Variants in RTL10 observed in about 807,000 individuals in gnomAD.
RTL10 encodes the protein retrotransposon Gag like 10.
For missense variants in RTL10, 477 were observed against 470.7 expected, an observed-to-expected ratio of 1.01 and a Z score of -0.12; for synonymous variants, 199 against 188.4, an observed-to-expected ratio of 1.06 and a Z score of -0.46.
chr22:19,850,227 C>T lies in RTL10; in HGVS notation c.*940G>A, dbSNP rs1475807189. 1.4e-5 allele frequency: 14 copies of T among 985,602 alleles called. No homozygotes were observed. In the East Asian group the frequency reaches 4.5e-4, roughly 32 times the overall value. 61.1% of individuals were successfully genotyped at this position (985,602 alleles called of 1,614,324 possible). ...GACTTGCTGGTAGGCAGCCACTGCACCACCTCAGCCAGTAATCCAACACGT... is the reference window on the plus strand; with the variant it reads ...GACTTGCTGGTAGGCAGCCACTGCATCACCTCAGCCAGTAATCCAACACGT... On this transcript the variant is annotated 3_prime_UTR_variant, in exon 3 of 3. Transcript: ENST00000328554.
rs76612902 is a variant in RTL10, at chr22:19,850,492, C to T, written c.*675G>A. The T allele has an allele frequency of 3.9e-3, 3,975 of 1,030,580 alleles. 16 individuals are homozygous for T. Among genetic ancestry groups the T allele is most frequent in the Non-Finnish European group, 4.4e-3 (3,773 of 859,866 alleles). 63.8% of individuals were successfully genotyped at this position (1,030,580 alleles called of 1,614,324 possible). A position where few individuals can be genotyped will look rare whatever the true frequency, so the allele number is the denominator to read the frequency against. On this transcript the variant is annotated 3_prime_UTR_variant, in exon 3 of 3. Transcript: ENST00000328554. Reference sequence around the variant, plus strand: ...AGCTACAGTGTTAACACACAAAGGGCGAATGCCTGCAGCTGAGCCTGGCAA... The same window carrying T: ...AGCTACAGTGTTAACACACAAAGGGTGAATGCCTGCAGCTGAGCCTGGCAA...
Position 19,848,645 on chromosome 22 carries a change from T to C in RTL10, c.*2522A>G, listed in dbSNP as rs1441453603. On this transcript the variant is annotated 3_prime_UTR_variant, in exon 3 of 3. Coordinates refer to ENST00000328554, the MANE Select transcript of RTL10 (RefSeq NM_024627.6). ...GGACGCGTTTTAATTAAAAACCAGG[T>C]CACCTGGACTCTCCCAAGGACTCTC... The C allele has an allele frequency of 2.0e-6, 2 of 985,288 alleles. No homozygotes were observed. The highest frequency in any genetic ancestry group is 9.4e-5 in the South Asian group (2 of 21,294). The allele number at this position is 985,288 out of a possible 1,614,324, so 61.0% of individuals were successfully genotyped here. A position where few individuals can be genotyped will look rare whatever the true frequency, so the allele number is the denominator to read the frequency against.
Position 19,846,693 on chromosome 22 carries a change from G to T in RTL10, c.*4474C>A. On this transcript the variant is annotated 3_prime_UTR_variant, in exon 3 of 3. Coordinates refer to ENST00000328554, the MANE Select transcript of RTL10 (RefSeq NM_024627.6). ...GGGTTAAATGAGGTCATGAGGGTGG[G>T]CCCTGATCCAATAGACTAGTGAGCT... 2.3e-6 allele frequency: 1 copy of T among 430,552 alleles called. No homozygotes were observed. Among genetic ancestry groups the T allele is most frequent in the Non-Finnish European group, 3.1e-6 (1 of 322,678 alleles). 26.7% of individuals were successfully genotyped at this position (430,552 alleles called of 1,614,324 possible).
Position 19,848,698 on chromosome 22 carries a change from C to G in RTL10, c.*2469G>C. ...GCCTGCCTAGGTGGATGCTGCATGACTGGCCCTCAGACACACGGCAGACCA... is the reference window on the plus strand; with the variant it reads ...GCCTGCCTAGGTGGATGCTGCATGAGTGGCCCTCAGACACACGGCAGACCA... On this transcript the variant is annotated 3_prime_UTR_variant, in exon 3 of 3. Coordinates refer to ENST00000328554, the MANE Select transcript of RTL10 (RefSeq NM_024627.6). 1.0e-6 allele frequency: 1 copy of G among 985,522 alleles called. No homozygotes were observed. Among genetic ancestry groups the G allele is most frequent in the Non-Finnish European group, 1.2e-6 (1 of 829,998 alleles). 61.0% of individuals were successfully genotyped at this position (985,522 alleles called of 1,614,324 possible).
Position 19,851,993 on chromosome 22 carries a change from C to A in RTL10, c.269G>T (p.Arg90Leu). Reference protein sequence around the residue: ...GPLAGHMPSSRPHRVDFCWVP... With the variant: ...GPLAGHMPSSLPHRVDFCWVP... ...CCAGCAGAAGTCCACCCTGTGGGGT[C>A]GGGAGCTGGGCATGTGCCCAGCTAG... is the stretch of plus-strand genomic sequence containing the variant. Residue 90 changes from arginine to leucine, a missense_variant, in exon 3 of 3, where the codon CGA (arginine) becomes CTA (leucine). By Grantham distance (102) the Arg-to-Leu change is moderately radical. Transcript: ENST00000328554. 6.2e-7 allele frequency: 1 copy of A among 1,614,148 alleles called. No individual in the cohort carries two copies. The highest frequency in any genetic ancestry group is 2.2e-5 in the East Asian group (1 of 44,888).
intron 2 of RTL10, among the ~76,000 whole-genome samples, chr22:19,853,707 T>G (rs2145909246): frequency 6.6e-6 from 1 of 151,668 alleles, no homozygotes; most frequent in East Asian, 1.9e-4. Context: ...CCCTCAGGTC[T>G]GACCCCCCTC....
In RTL10 at chr22:19,852,336, C is replaced by G. The variant is rs1787958826; in HGVS notation, c.-75G>C. 3 of 1,483,918 alleles carry G rather than the reference C, an allele frequency of 2.0e-6. No individual in the cohort carries two copies. Among genetic ancestry groups the G allele is most frequent in the Non-Finnish European group, 1.8e-6 (2 of 1,090,480 alleles). 91.9% of individuals were successfully genotyped at this position (1,483,918 alleles called of 1,614,324 possible). On this transcript the variant is annotated 5_prime_UTR_variant, in exon 3 of 3. Transcript: ENST00000328554. ...GGGGTGTGGACAGATGTGGCTTGCA[C>G]GACACAACAGGACAGGGATGGCTGA...
Position 19,851,503 on chromosome 22 carries a change from A to G in RTL10, c.759T>C (p.Ala253=). ...VSGSNSVSRS[A]LFEQQLTKES... ...CCTTGGTCAGCTGCTGCTCGAACAG[A>G]GCACTTCTAGATACAGAGTTGGACC... The change falls in exon 3 of 3, where the codon GCT becomes GCC. Residue 253 remains alanine (A), a synonymous_variant. Transcript: ENST00000328554. 6.2e-7 allele frequency: 1 copy of G among 1,614,034 alleles called. No homozygotes were observed. Among genetic ancestry groups the G allele is most frequent in the Non-Finnish European group, 8.5e-7 (1 of 1,179,998 alleles).
Position 19,847,191 on chromosome 22 carries a change from T to TCGTCAGAC in RTL10, c.*3975_*3976insGTCTGACG. ...TGGAGAAATATGTCCAGGTAGGCTG[T>TCGTCAGAC]CGTCAGCACAGGTCTGACAGGCCCC... is the stretch of plus-strand genomic sequence containing the variant. On this transcript the variant is annotated 3_prime_UTR_variant, in exon 3 of 3. Coordinates refer to ENST00000328554, the MANE Select transcript of RTL10 (RefSeq NM_024627.6). The TCGTCAGAC allele has an allele frequency of 2.0e-6, 2 of 985,432 alleles. No homozygotes were observed. Among genetic ancestry groups the TCGTCAGAC allele is most frequent in the Non-Finnish European group, 2.4e-6 (2 of 829,936 alleles). The allele number at this position is 985,432 out of a possible 1,614,324, so 61.0% of individuals were successfully genotyped here.
chr22:19,849,713 A>G lies in RTL10; in HGVS notation c.*1454T>C. On this transcript the variant is annotated 3_prime_UTR_variant, in exon 3 of 3. Coordinates refer to ENST00000328554, the MANE Select transcript of RTL10 (RefSeq NM_024627.6). The stretch of plus-strand genomic sequence containing the variant: ...AGATGCTTGCTAATTAGTTTTTCCT[A>G]AAATAGTTGGCTGTATTTCCAATTC... 1.0e-6 allele frequency: 1 copy of G among 985,372 alleles called. No individual in the cohort carries two copies. The highest frequency in any genetic ancestry group is 4.7e-5 in the South Asian group (1 of 21,286). The allele number at this position is 985,372 out of a possible 1,614,324, so 61.0% of individuals were successfully genotyped here.
In RTL10 at chr22:19,848,997, T is replaced by G. The variant is rs1460141131; in HGVS notation, c.*2170A>C. ...GGCCACAGTGCACTGGAGGTAGGCATCAGGGAGCAGTCTGACCCAACCCAC... is the reference window on the plus strand; with the variant it reads ...GGCCACAGTGCACTGGAGGTAGGCAGCAGGGAGCAGTCTGACCCAACCCAC... On this transcript the variant is annotated 3_prime_UTR_variant, in exon 3 of 3. Coordinates refer to ENST00000328554, the MANE Select transcript of RTL10 (RefSeq NM_024627.6). 1 of 985,378 alleles carries G rather than the reference T, an allele frequency of 1.0e-6. No individual in the cohort carries two copies. Among genetic ancestry groups the G allele is most frequent in the Admixed American group, 6.1e-5 (1 of 16,264 alleles). The allele number at this position is 985,378 out of a possible 1,614,324, so 61.0% of individuals were successfully genotyped here. A position where few individuals can be genotyped will look rare whatever the true frequency, so the allele number is the denominator to read the frequency against.
At position 19,850,506 on chromosome 22, in the gene RTL10, T is replaced by C. The variant is rs920918669; in HGVS notation, c.*661A>G. On this transcript the variant is annotated 3_prime_UTR_variant, in exon 3 of 3. Coordinates refer to ENST00000328554, the MANE Select transcript of RTL10 (RefSeq NM_024627.6). ...CACACAAAGGGCGAATGCCTGCAGCTGAGCCTGGCAAGGGGCTTGCATCCC... is the reference window on the plus strand; with the variant it reads ...CACACAAAGGGCGAATGCCTGCAGCCGAGCCTGGCAAGGGGCTTGCATCCC... 2.9e-6 allele frequency: 3 copies of C among 1,051,770 alleles called. No homozygotes were observed. The highest frequency in any genetic ancestry group is 5.5e-5 in the Admixed American group (1 of 18,056). 65.2% of individuals were successfully genotyped at this position (1,051,770 alleles called of 1,614,324 possible).
chr22:19,852,058 A>T lies in RTL10; in HGVS notation c.204T>A (p.Ala68=). The T allele has an allele frequency of 6.2e-7, 1 of 1,614,228 alleles. No individual in the cohort carries two copies. Among genetic ancestry groups the T allele is most frequent in the Non-Finnish European group, 8.5e-7 (1 of 1,180,034 alleles). ...CAGGTTTACCGCCACAAGTGCCACT[A>T]GCTGTGCTCTTCTGCTCCATGGTCG... The part of the protein sequence containing the change: ...VRTTMEQKST[A]SGTCGGKPAE... The change falls in exon 3 of 3, where the codon GCT becomes GCA. Residue 68 remains alanine, a synonymous_variant. Coordinates refer to ENST00000328554, the MANE Select transcript of RTL10 (RefSeq NM_024627.6).
chr22:19,849,464 G>A lies in RTL10; in HGVS notation c.*1703C>T, dbSNP rs766972054. The A allele has an allele frequency of 3.2e-5, 10 of 316,618 alleles. No individual in the cohort carries two copies. Among genetic ancestry groups the A allele is most frequent in the Admixed American group, 1.3e-4 (2 of 15,416 alleles). The allele number at this position is 316,618 out of a possible 1,614,324, so 19.6% of individuals were successfully genotyped here. On this transcript the variant is annotated 3_prime_UTR_variant, in exon 3 of 3. Coordinates refer to ENST00000328554, the MANE Select transcript of RTL10 (RefSeq NM_024627.6). ...GCTCACCACACCCTCTGCCTCCTGG[G>A]TTCAAGCAATTCTTCTGCCTCAGCC... is the stretch of plus-strand genomic sequence containing the variant.
intron 2 of RTL10, among the ~76,000 whole-genome samples, chr22:19,853,394 T>C (rs1476446324): frequency 6.6e-6 from 1 of 152,094 alleles, no homozygotes; most frequent in Non-Finnish European, 1.5e-5. Context: ...TCTATTCCAG[T>C]GCAAGGAGCC....
chr22:19,848,296 A>C lies in RTL10; in HGVS notation c.*2871T>G, dbSNP rs74410281. On this transcript the variant is annotated 3_prime_UTR_variant, in exon 3 of 3. Transcript: ENST00000328554. ...CCAGCACCATGGCCCGTCCCTGAGCATGTCCAGCAAACCCTGCCAGGCTCT... is the reference window on the plus strand; with the variant it reads ...CCAGCACCATGGCCCGTCCCTGAGCCTGTCCAGCAAACCCTGCCAGGCTCT... The C allele has an allele frequency of 2.6e-3, 2,564 of 985,456 alleles. 51 individuals carry two copies. In the African/African-American group the frequency reaches 0.042, roughly 16 times the overall value. The allele number at this position is 985,456 out of a possible 1,614,324, so 61.0% of individuals were successfully genotyped here. A position where few individuals can be genotyped will look rare whatever the true frequency, so the allele number is the denominator to read the frequency against.
Position 19,852,228 on chromosome 22 carries a change from G to A in RTL10, c.34C>T (p.Arg12Cys), listed in dbSNP as rs745877517. 1.8e-5 allele frequency: 29 copies of A among 1,611,976 alleles called. No individual in the cohort carries two copies. The highest frequency in any genetic ancestry group is 2.1e-5 in the Non-Finnish European group (25 of 1,179,138). The change falls in exon 3 of 3, where the codon CGC (arginine) becomes TGC (cysteine). Residue 12 changes from arginine (R) to cysteine (C), a missense_variant. Coordinates refer to ENST00000328554, the MANE Select transcript of RTL10 (RefSeq NM_024627.6). ...TTGGCGGCTGCCCAGATGGGAATGC[G>A]AGGGCCCTGCTGACGGCACCGGCCA... Reference protein sequence around the residue: ...PRGRCRQQGPRIPIWAAANYA... With the variant: ...PRGRCRQQGPCIPIWAAANYA...
Position 19,852,230 on chromosome 22 carries a change from G to A in RTL10, c.32C>T (p.Pro11Leu). The change falls in exon 3 of 3, where the codon CCT (proline) becomes CTT (leucine). Residue 11 changes from proline to leucine, a missense_variant. Physicochemically the swap from Pro to Leu is moderately conservative, Grantham distance 98 (BLOSUM62 -3). Transcript: ENST00000328554. MPRGRCRQQGPRIPIWAAANY... is the reference protein window; with the variant it reads MPRGRCRQQGLRIPIWAAANY... ...GGCGGCTGCCCAGATGGGAATGCGA[G>A]GGCCCTGCTGACGGCACCGGCCACG... is the stretch of plus-strand genomic sequence containing the variant. 1 of 1,611,618 alleles carries A rather than the reference G, an allele frequency of 6.2e-7. No homozygotes were observed. The highest frequency in any genetic ancestry group is 1.1e-5 in the South Asian group (1 of 90,888).
chr22:19,851,794 G>A lies in RTL10; in HGVS notation c.468C>T (p.Pro156=), dbSNP rs764244158. 8 of 1,613,928 alleles carry A rather than the reference G, an allele frequency of 5.0e-6. No homozygotes were observed. The highest frequency in any genetic ancestry group is 1.1e-5 in the South Asian group (1 of 91,094). Residue 156 remains proline (P), a synonymous_variant, in exon 3 of 3, where the codon CCC becomes CCT. Transcript: ENST00000328554. ...GCAGGGGCAGGTCCCCATCAAGGTA[G>A]GGGGCTGCCCAGGCCTGGGCTCGGC... ...LTGRAQAWAA[P]YLDGDLPLPD...
Sources: gnomAD v4.1 joint callset for allele counts (sites outside exome capture counted in the v4.1 genomes callset) on GRCh38, gnomAD v4.1.1 for gene constraint, MANE v1.5 for transcripts, NCBI Gene and HGNC (gene_info 2026-07-23, HGNC 2026-07-21) for gene names.